Variants in SCARB2 observed in about 807,000 individuals in gnomAD.
SCARB2 encodes scavenger receptor class B member 2, also known as lysosome membrane protein 2.
Under a neutral mutation model 58.6 loss-of-function variants are expected in SCARB2, and 29 were observed. The ratio of observed to expected loss-of-function variants is 0.49; its 90% CI spans 0.37 to 0.67. The LOEUF (loss-of-function observed/expected upper bound fraction) is 0.67. SCARB2 is among the 30% of genes least tolerant of loss of function. The pLI, the probability that SCARB2 is intolerant of heterozygous loss-of-function variation, is 0.00. For synonymous variants in SCARB2, 195 were observed against 210.1 expected (o/e 0.93, Z 0.62); for missense variants, 488 against 578.5 (o/e 0.84, Z 1.60).
intron 2 of SCARB2, among the ~76,000 whole-genome samples, chr4:76,181,537 C>T (rs1732385762): frequency 6.6e-6 from 1 of 152,012 alleles, no homozygotes; most frequent in Non-Finnish European, 1.5e-5. Context: ...AAAAATAATG[C>T]CCAAGGCTTA....
intron 1 of SCARB2, 61 bp downstream of exon 1, chr4:76,213,366 G>C: frequency 1.8e-6 from 2 of 1,114,260 alleles, no homozygotes; most frequent in Non-Finnish European, 2.7e-6. Flanking sequence ...AGATGTAGCA[G>C]CAGGGATGGG....
intron 1 of SCARB2, among the ~76,000 whole-genome samples, 165 bp from the exon 2 acceptor site, chr4:76,196,029 C>T (rs991650519): frequency 2.0e-5 from 3 of 152,238 alleles, no homozygotes; most frequent in Admixed American, 2.0e-4. Flanking sequence ...CCATATCTTA[C>T]ACCAATAGAG....
intron 1 of SCARB2, among the ~76,000 whole-genome samples, chr4:76,232,470 A>G (rs1733510159): frequency 6.6e-6 from 1 of 152,232 alleles, no homozygotes; most frequent in Non-Finnish European, 1.5e-5. Context: ...AAAAATGTCC[A>G]GGGTAGTTAC....
intron 2 of SCARB2, among the ~76,000 whole-genome samples, chr4:76,183,899 TGGAG>T (rs1306971958): frequency 6.6e-6 from 1 of 152,196 alleles, no homozygotes; most frequent in Non-Finnish European, 1.5e-5. Flanking sequence ...TGCCAGGAAA[TGGAG>T]GAAGACTAAA....
chr4:76,213,314 C>A (rs569003103), intron 1 of SCARB2, 113 bp downstream of exon 1: 6 of 773,832 alleles, frequency 7.8e-6, no homozygotes, highest in Non-Finnish European at 1.4e-5. Context: ...AAGAAGAGCT[C>A]TAGCGCGGAG....
chr4:76,181,235 C>T, intron 2 of SCARB2, 134 bp from the exon 3 acceptor site: 5 of 873,400 alleles, frequency 5.7e-6, no homozygotes, highest in Non-Finnish European at 8.8e-6. Flanking sequence ...ACTGCAGCTA[C>T]TAAGCCTTAA....
At chr4:76,170,832 TAA>T (rs1042425471) in intron 7 of SCARB2, among the ~76,000 whole-genome samples, 2 of 151,976 alleles carry the variant, frequency 1.3e-5, no homozygotes. Flanking sequence ...CATAATTTTT[TAA>T]GAGTTAGCCT....
intron 1 of SCARB2, among the ~76,000 whole-genome samples, chr4:76,207,371 A>C (rs1307421145): frequency 6.6e-5 from 10 of 152,356 alleles, no homozygotes; most frequent in African/African-American, 2.4e-4. Flanking sequence ...TTTTAAGAAT[A>C]TGAGGGGCCC....
At chr4:76,168,577 G>T in intron 8 of SCARB2, 101 bp from the exon 9 acceptor site, 1 of 938,672 alleles carries the variant, frequency 1.1e-6, no homozygotes. Context: ...TAAACAAGGT[G>T]ACCATTACCA....
At chr4:76,217,757 C>A (rs986014644), upstream of SCARB2, 1 of 486,490 alleles carries the variant, frequency 2.1e-6, no homozygotes, top group Non-Finnish European at 3.7e-6. Flanking sequence ...CAAGGAGATA[C>A]GGTGATCTCT....
chr4:76,202,135 T>C (rs1205140048), intron 1 of SCARB2, among the ~76,000 whole-genome samples: 1 of 152,200 alleles, frequency 6.6e-6, no homozygotes, highest in Non-Finnish European at 1.5e-5. Flanking sequence ...TCTATATTCA[T>C]ATTAGAAGAG....
At chr4:76,175,339 A>AC (rs759985230) in intron 6 of SCARB2, 1 of 197,566 alleles carries the variant, frequency 5.1e-6, no homozygotes, top group Non-Finnish European at 1.0e-5. Flanking sequence ...TGTAGAGACT[A>AC]CCTATTGACT....
intron 1 of SCARB2, among the ~76,000 whole-genome samples, chr4:76,227,581 T>C (rs1185619733): frequency 2.0e-5 from 3 of 152,228 alleles, no homozygotes; most frequent in Non-Finnish European, 4.4e-5. Context: ...GTTTCTTTGT[T>C]GACTTTCTGT....
Position 76,161,461 on chromosome 4 carries a change from A to G in SCARB2, c.*252T>C. 3.6e-6 allele frequency: 2 copies of G among 555,200 alleles called. No homozygotes were observed. The highest frequency in any genetic ancestry group is 2.1e-5 in the South Asian group (1 of 48,046). The allele number at this position is 555,200 out of a possible 1,614,324, so 34.4% of individuals were successfully genotyped here. A position where few individuals can be genotyped will look rare whatever the true frequency, so the allele number is the denominator to read the frequency against. On this transcript the variant is annotated 3_prime_UTR_variant, in exon 12 of 12. Coordinates refer to ENST00000264896, the MANE Select transcript of SCARB2 (RefSeq NM_005506.4). ...CCCAACAACAACAAAATTACTATACAAGGGTTTATTAAATACTTGCTAGAC... is the reference window on the plus strand; with the variant it reads ...CCCAACAACAACAAAATTACTATACGAGGGTTTATTAAATACTTGCTAGAC...
upstream of SCARB2, chr4:76,214,020 G>C (rs1733144969): frequency 2.3e-5 from 6 of 261,338 alleles, no homozygotes; most frequent in East Asian, 3.4e-4. Flanking sequence ...GCCTGAGCCA[G>C]GCCCGGCCTG....
At chr4:76,173,935 G>T (rs1390246148) in intron 7 of SCARB2, 2 of 624,962 alleles carry the variant, frequency 3.2e-6, no homozygotes, top group Middle Eastern at 4.6e-4. Flanking sequence ...ATTCTTTTTT[G>T]TTTGTTTTGT....
intron 1 of SCARB2, among the ~76,000 whole-genome samples, chr4:76,198,918 G>A (rs1305313741): frequency 6.6e-6 from 1 of 151,964 alleles, no homozygotes; most frequent in Non-Finnish European, 1.5e-5. Context: ...GGGAATGAGA[G>A]AACAGAGGGA....
chr4:76,184,810 A>G, intron 2 of SCARB2: 1 of 366,594 alleles, frequency 2.7e-6, no homozygotes, highest in South Asian at 2.3e-5. Context: ...TTTTAATTTA[A>G]AAACAAGAAA....
At chr4:76,195,539 C>G in intron 2 of SCARB2, 168 bp downstream of exon 2, 1 of 630,628 alleles carries the variant, frequency 1.6e-6, no homozygotes, top group Non-Finnish European at 2.8e-6. Context: ...CCATTCTCTG[C>G]TGAGGTTTCA....
Sources: gnomAD v4.1 joint callset for allele counts (sites outside exome capture counted in the v4.1 genomes callset) on GRCh38, gnomAD v4.1.1 for gene constraint, MANE v1.5 for transcripts, NCBI Gene and HGNC (gene_info 2026-07-23, HGNC 2026-07-21) for gene names.